ANK2: variants seen among roughly 807,000 people sequenced by gnomAD.
ANK2 encodes ankyrin 2, also known as ankyrin-2.
A neutral mutation model predicts 360.5 loss-of-function variants in ANK2; 83 were observed. That is an observed-to-expected ratio of 0.23 (90% CI 0.19 to 0.28). The LOEUF (loss-of-function observed/expected upper bound fraction) is 0.28, where lower values mean the gene tolerates loss of function less well. ANK2 is among the 10% of genes least tolerant of loss of function. ANK2 has a pLI of 1.00. For synonymous variants in ANK2, 1,740 were observed against 1,759.5 expected (o/e 0.99, Z 0.28); for missense variants, 4,201 against 4,795.7 (o/e 0.88, Z 3.66).
intron 10 of ANK2, among the ~76,000 whole-genome samples, chr4:113,254,593 A>C (rs1471665487): frequency 6.6e-6 from 1 of 152,248 alleles, no homozygotes; most frequent in African/African-American, 2.4e-5. Context: ...AAACTTATTT[A>C]ATGAACTTCT....
intron 23 of ANK2, among the ~76,000 whole-genome samples, chr4:113,307,175 A>G (rs1022492975): frequency 1.3e-5 from 2 of 152,324 alleles, no homozygotes; most frequent in Non-Finnish European, 2.9e-5. Context: ...CTAGTAATCA[A>G]GAGAACTCCA....
At chr4:113,133,848 T>C (rs2096227858) in intron 1 of ANK2, among the ~76,000 whole-genome samples, 1 of 152,178 alleles carries the variant, frequency 6.6e-6, no homozygotes, top group Non-Finnish European at 1.5e-5. Context: ...CCAGATGACT[T>C]GAATCTGTGC....
chr4:112,709,296 A>AT, the ANK2 span, among the ~76,000 whole-genome samples: 1 of 152,160 alleles, frequency 6.6e-6, no homozygotes, highest in South Asian at 2.1e-4. Context: ...TTCTTCATTC[A>AT]TTTTCTAACT....
intron 1 of ANK2, among the ~76,000 whole-genome samples, chr4:113,094,581 A>C (rs2090165349): frequency 1.3e-5 from 2 of 152,084 alleles, no homozygotes; most frequent in East Asian, 3.8e-4. Context: ...TTGAAGCTGC[A>C]GTGTATTACA....
chr4:113,314,496 AAGTAAAACTTTAC>A (rs1302242898), intron 24 of ANK2, among the ~76,000 whole-genome samples: 1 of 152,238 alleles, frequency 6.6e-6, no homozygotes, highest in Non-Finnish European at 1.5e-5. Flanking sequence ...GATGAACAGC[AAGTAAAACTTTAC>A]ACTTCTATGG....
intron 2 of ANK2, among the ~76,000 whole-genome samples, chr4:113,021,187 T>C (rs2057982042): frequency 6.6e-6 from 1 of 152,118 alleles, no homozygotes; most frequent in South Asian, 2.1e-4. Context: ...AGGGCTTTTT[T>C]TTCTGTCTCT....
chr4:113,087,303 T>G (rs1299083643), intron 1 of ANK2, among the ~76,000 whole-genome samples: 2 of 152,104 alleles, frequency 1.3e-5, no homozygotes, highest in Non-Finnish European at 2.9e-5. Context: ...TTTAGCAAAA[T>G]GTTTAGTGCT....
chr4:113,048,731 A>G (rs1312281292), upstream of ANK2, among the ~76,000 whole-genome samples: 1 of 152,120 alleles, frequency 6.6e-6, no homozygotes, highest in East Asian at 1.9e-4. Context: ...TGTTTTATTC[A>G]TCAGTCAATA....
chr4:113,150,215 C>G (rs1397646979), intron 1 of ANK2, among the ~76,000 whole-genome samples: 1 of 152,130 alleles, frequency 6.6e-6, no homozygotes, highest in Non-Finnish European at 1.5e-5. Flanking sequence ...ATGAACCTAC[C>G]AAGCTGCCCC....
chr4:112,928,682 C>T (rs2092852882), intron 2 of ANK2, among the ~76,000 whole-genome samples: 1 of 152,050 alleles, frequency 6.6e-6, no homozygotes, highest in African/African-American at 2.4e-5. Flanking sequence ...AAGACACACA[C>T]ATGTGTGTAA....
At chr4:113,274,783 A>G in intron 15 of ANK2, 134 bp downstream of exon 15, 1 of 899,588 alleles carries the variant, frequency 1.1e-6, no homozygotes, top group Middle Eastern at 3.3e-4. Flanking sequence ...CATATTTAAG[A>G]CTCATTGTCT....
chr4:112,924,946 C>T (rs1000592505), intron 2 of ANK2, among the ~76,000 whole-genome samples: 3 of 151,616 alleles, frequency 2.0e-5, no homozygotes, highest in Non-Finnish European at 4.4e-5. Flanking sequence ...TCACGCAATC[C>T]TACTGCCTCA....
At chr4:113,106,269 A>G (rs1206380051) in intron 1 of ANK2, among the ~76,000 whole-genome samples, 1 of 152,202 alleles carries the variant, frequency 6.6e-6, no homozygotes, top group Non-Finnish European at 1.5e-5. Context: ...CATCCAGCAG[A>G]GGGCTACCAA....
the ANK2 span, among the ~76,000 whole-genome samples, chr4:112,754,143 ATATAT>A: frequency 4.2e-5 from 5 of 118,400 alleles, no homozygotes; most frequent in Admixed American, 3.5e-4. Flanking sequence ...ATATATATAT[ATATAT>A]AAAATTGCAT....
chr4:112,962,517 A>G (rs1582038116), intron 2 of ANK2, among the ~76,000 whole-genome samples: 3 of 152,270 alleles, frequency 2.0e-5, no homozygotes, highest in East Asian at 3.9e-4. Flanking sequence ...AAGTGCATGT[A>G]TCTTTTTGGT....
intron 1 of ANK2, among the ~76,000 whole-genome samples, chr4:113,154,576 G>A (rs530033871): frequency 2.0e-5 from 3 of 151,990 alleles, no homozygotes; most frequent in Non-Finnish European, 2.9e-5. Flanking sequence ...TTAATATATC[G>A]ACTAATGTGA....
Position 112,920,351 on chromosome 4 carries a change from A to G in ANK2, c.21+15837A>G, listed in dbSNP as rs796933919. Among the ~76,000 whole-genome samples the G allele has an allele frequency of 9.2e-5, 14 of 152,320 alleles. 1 individual carries two copies. Among genetic ancestry groups the G allele is most frequent in the African/African-American group, 3.4e-4 (14 of 41,588 alleles). On this transcript the variant is annotated intron_variant, in intron 2 of 30. Coordinates refer to the ANK2 transcript ENST00000503271. ...TTTTAGGGAGAGACATGGTCTCATG[A>G]CATTAGAGTGGGAAATGTCCATATA...
At chr4:112,992,068 T>C (rs892407714) in intron 2 of ANK2, among the ~76,000 whole-genome samples, 1 of 152,158 alleles carries the variant, frequency 6.6e-6, no homozygotes, top group Non-Finnish European at 1.5e-5. Flanking sequence ...GAATTGCATA[T>C]AAAATCCATA....
intron 8 of ANK2, 77 bp downstream of exon 8, chr4:113,240,660 C>T (rs1186600577): frequency 7.7e-7 from 1 of 1,294,298 alleles, no homozygotes. Context: ...ACACCAATGG[C>T]TTTCTTAAAG....
Sources: gnomAD v4.1 joint callset for allele counts (sites outside exome capture counted in the v4.1 genomes callset) on GRCh38, gnomAD v4.1.1 for gene constraint, MANE v1.5 for transcripts, NCBI Gene and HGNC (gene_info 2026-07-23, HGNC 2026-07-21) for gene names.